Variants in GPR137B observed in about 807,000 individuals in gnomAD.
GPR137B encodes the protein G protein-coupled receptor 137B.
GPR137B carries 42 observed loss-of-function variants against 42.5 expected under a neutral mutation model. That is an observed-to-expected ratio of 0.99 (90% CI 0.77 to 1.28). GPR137B has a LOEUF of 1.28. GPR137B is among the 50% of genes most tolerant of loss of function. GPR137B has a pLI of 0.00. For missense variants in GPR137B, 487 were observed against 493.9 expected (o/e 0.99, Z 0.13); for synonymous variants, 218 against 209.7 (o/e 1.04, Z -0.34).
chr1:236,170,973 C>CAA (rs780390422), intron 2 of GPR137B, among the ~76,000 whole-genome samples: 7 of 83,028 alleles, frequency 8.4e-5, no homozygotes, highest in Admixed American at 1.3e-4. Flanking sequence ...GACTCTGTCT[C>CAA]AAAAAAAAAA....
At position 236,183,765 on chromosome 1, in the gene GPR137B, C is replaced by G. The variant is rs1662946484; in HGVS notation, c.838-13C>G. 5 of 1,594,212 alleles carry G rather than the reference C, an allele frequency of 3.1e-6. No individual in the cohort carries two copies. Among genetic ancestry groups the G allele is most frequent in the Non-Finnish European group, 4.3e-6 (5 of 1,164,618 alleles). ...CCCTTGGTCTGATGACTCTCCCTGT[C>G]TGTTTCTAACAGGCAGATTTGAAGA... On this transcript the variant is annotated splice_polypyrimidine_tract_variant and intron_variant, in intron 4 of 6. Coordinates refer to ENST00000366592, the MANE Select transcript of GPR137B (RefSeq NM_003272.4).
intron 1 of GPR137B, among the ~76,000 whole-genome samples, chr1:236,149,805 T>G (rs547454506): frequency 3.0e-4 from 46 of 152,398 alleles, no homozygotes; most frequent in Non-Finnish European, 5.4e-4. Flanking sequence ...GCTAGCTCAG[T>G]GGGCTCATGG....
At chr1:236,147,762 A>G (rs1288747153) in intron 1 of GPR137B, among the ~76,000 whole-genome samples, 1 of 151,992 alleles carries the variant, frequency 6.6e-6, no homozygotes, top group Non-Finnish European at 1.5e-5. Flanking sequence ...AATCCCTGTG[A>G]GCAGTGTCCA....
intron 1 of GPR137B, among the ~76,000 whole-genome samples, chr1:236,145,388 C>G (rs1206361803): frequency 2.6e-5 from 4 of 152,190 alleles, no homozygotes; most frequent in African/African-American, 9.7e-5. Context: ...TGACAGCTAA[C>G]AATTAAGAAG....
intron 1 of GPR137B, among the ~76,000 whole-genome samples, chr1:236,151,062 G>A (rs1328173104): frequency 6.6e-6 from 1 of 152,170 alleles, no homozygotes; most frequent in Non-Finnish European, 1.5e-5. Context: ...CCCAAGAGCC[G>A]CTTTTGTCAG....
At chr1:236,181,895 T>TTTAACC (rs796722166) in intron 4 of GPR137B, among the ~76,000 whole-genome samples, 1 of 132,332 alleles carries the variant, frequency 7.6e-6, no homozygotes, top group African/African-American at 3.2e-5. Flanking sequence ...TATTTGCTAT[T>TTTAACC]TTTTTTTTTT....
intron 1 of GPR137B, among the ~76,000 whole-genome samples, chr1:236,159,998 C>T (rs1022340087): frequency 6.6e-6 from 1 of 152,218 alleles, no homozygotes; most frequent in African/African-American, 2.4e-5. Context: ...GTCAAAAAGC[C>T]AGCATCACCC....
intron 1 of GPR137B, among the ~76,000 whole-genome samples, 196 bp from the exon 2 acceptor site, chr1:236,168,510 A>G (rs1171635616): frequency 6.6e-6 from 1 of 151,854 alleles, no homozygotes; most frequent in East Asian, 1.9e-4. Context: ...TTTTTTAACC[A>G]TGTTCGAATT....
chr1:236,178,805 T>G (rs1216631591), intron 3 of GPR137B, among the ~76,000 whole-genome samples, 169 bp downstream of exon 3: 6 of 102,752 alleles, frequency 5.8e-5, no homozygotes, highest in African/African-American at 1.9e-4. Context: ...TTTTTTTTTT[T>G]TTTTTTTTTT....
intron 1 of GPR137B, among the ~76,000 whole-genome samples, chr1:236,151,418 A>ATTTTTTTT (rs60574023): frequency 1.4e-5 from 1 of 72,370 alleles, no homozygotes; most frequent in Non-Finnish European, 2.5e-5. Flanking sequence ...TTGCATATTC[A>ATTTTTTTT]TTTTTTTTTT....
At position 236,171,269 on chromosome 1, in the gene GPR137B, G is replaced by A. The variant is rs12737157; in HGVS notation, c.464+2514G>A. Among the ~76,000 whole-genome samples the A allele has an allele frequency of 0.054, 8,148 of 152,252 alleles. 259 individuals are homozygous for A. Among genetic ancestry groups the A allele is most frequent in the South Asian group, 0.092 (446 of 4,824 alleles). On this transcript the variant is annotated intron_variant, in intron 2 of 6. Transcript: ENST00000366592. This position sits in a 1 kb window ranked among gnomAD's most constrained non-coding sequence, Gnocchi z 4.4. ...AGCATTTCGGATTTTGAATTTTTGG[G>A]TTAGGGATGGTCAACCTGTATAAAG...
chr1:236,207,078 G>C, intron 6 of GPR137B: 3 of 852,216 alleles, frequency 3.5e-6, no homozygotes, highest in Non-Finnish European at 4.2e-6. Flanking sequence ...GTTAGTAACA[G>C]TGAAAGTCTT....
chr1:236,173,081 C>T (rs980441233), intron 2 of GPR137B, among the ~76,000 whole-genome samples: 1 of 151,028 alleles, frequency 6.6e-6, no homozygotes, highest in African/African-American at 2.4e-5. Flanking sequence ...TCACTTGAGC[C>T]CAGGAGTTCA....
In GPR137B at chr1:236,178,568, G is replaced by A. The variant is rs772880415; in HGVS notation, c.619G>A (p.Val207Ile). The A allele has an allele frequency of 9.3e-5, 150 of 1,612,784 alleles. 2 individuals carry two copies. In the South Asian group the frequency reaches 1.4e-3, roughly 15 times the overall value. ...TGACACGCTCTTCGTGCTGTGTGCC[G>A]TCTCTCTCTCCATCTGTCTCTACAA... is the stretch of plus-strand genomic sequence containing the variant. ...INDTLFVLCA[V>I]SLSICLYKIS... Residue 207 changes from valine (V) to isoleucine (I), a missense_variant, in exon 3 of 7, where the codon GTC (valine) becomes ATC (isoleucine). Transcript: ENST00000366592.
intron 1 of GPR137B, among the ~76,000 whole-genome samples, chr1:236,161,209 C>G (rs1476318013): frequency 6.6e-6 from 1 of 152,100 alleles, no homozygotes; most frequent in African/African-American, 2.4e-5. Flanking sequence ...AGGGACCTCT[C>G]TCACAGCACA....
At chr1:236,160,622 C>G (rs961031518) in intron 1 of GPR137B, among the ~76,000 whole-genome samples, 1 of 152,246 alleles carries the variant, frequency 6.6e-6, no homozygotes, top group Admixed American at 6.5e-5. Flanking sequence ...TTGCATTTCA[C>G]AAACATGCGC....
chr1:236,178,785 GTTTTT>G (rs3082534), intron 3 of GPR137B, 149 bp downstream of exon 3: 744 of 49,282 alleles, frequency 0.015, 3 homozygotes, highest in South Asian at 0.057. Context: ...GCTACTCGAG[GTTTTT>G]TTTTTTTTTT....
chr1:236,183,810 A>G lies in GPR137B; in HGVS notation c.870A>G (p.Gly290=), dbSNP rs780373697. ...TGAAGAATCAGCTGGGAGATGCTGG[A>G]TACGTATTATTTGGAGTGGTGTTAT... ...ADLKNQLGDA[G]YVLFGVVLFV... is the part of the protein sequence containing the mutation. The change falls in exon 5 of 7, where the codon GGA becomes GGG. Residue 290 remains glycine, a synonymous_variant. Transcript: ENST00000366592. 5.0e-6 allele frequency: 8 copies of G among 1,604,476 alleles called. No individual in the cohort carries two copies. In the East Asian group the frequency reaches 1.8e-4, roughly 36 times the overall value.
At chr1:236,164,731 T>C (rs997090447) in intron 1 of GPR137B, among the ~76,000 whole-genome samples, 1 of 152,212 alleles carries the variant, frequency 6.6e-6, no homozygotes, top group Non-Finnish European at 1.5e-5. Flanking sequence ...ATCTATATAA[T>C]AAGTTATATA....
Sources: gnomAD v4.1 joint callset for allele counts (sites outside exome capture counted in the v4.1 genomes callset) on GRCh38, gnomAD v4.1.1 for gene constraint, Gnocchi (gnomAD v3.1) non-coding constraint, MANE v1.5 for transcripts, NCBI Gene and HGNC (gene_info 2026-07-23, HGNC 2026-07-21) for gene names.